Variants in ZNF35 observed in about 807,000 individuals in gnomAD.
ZNF35 encodes the protein zinc finger protein 35 (clone HF.10).
Under a neutral mutation model 45.9 loss-of-function variants are expected in ZNF35, and 31 were observed. The observed-to-expected ratio is 0.68, with a 90% CI of 0.51 to 0.91. ZNF35 has a LOEUF of 0.91. Among genes scored for constraint, ZNF35 ranks in the 40% least tolerant of loss-of-function variants. ZNF35 has a pLI of 0.00. For missense variants in ZNF35, 515 were observed against 625.4 expected (o/e 0.82, Z 1.88); for synonymous variants, 205 against 220.2 (o/e 0.93, Z 0.61).
rs188479319 is a variant in ZNF35 at position 44,649,967 on chromosome 3, A to T, written c.-127-974A>T. On this transcript the variant is annotated intron_variant, in intron 1 of 3. Coordinates refer to ENST00000396056, the MANE Select transcript of ZNF35 (RefSeq NM_003420.4). ...ACAGTATATAACTGTGATGATCTAA[A>T]GTATGTTTTTGAAAAATAAGCAATA... 2.2e-3 allele frequency among the ~76,000 whole-genome samples: 339 copies of T among 152,328 alleles called. 2 individuals carry two copies. Among genetic ancestry groups the T allele is most frequent in the Non-Finnish European group, 3.4e-3 (228 of 68,010 alleles).
chr3:44,656,713 A>G (rs1194965671), intron 3 of ZNF35, among the ~76,000 whole-genome samples: 1 of 133,480 alleles, frequency 7.5e-6, no homozygotes, highest in East Asian at 2.3e-4. Context: ...TCTTTGAGAT[A>G]GAGTCTTGCT....
chr3:44,658,590 G>A, intron 3 of ZNF35, 111 bp from the exon 4 acceptor site: 1 of 1,177,342 alleles, frequency 8.5e-7, no homozygotes, highest in Non-Finnish European at 1.2e-6. Context: ...CTTTGATGAA[G>A]CCATTTTGTG....
chr3:44,657,251 G>A (rs1050025909), intron 3 of ZNF35, among the ~76,000 whole-genome samples: 6 of 152,044 alleles, frequency 3.9e-5, no homozygotes, highest in Non-Finnish European at 7.3e-5. Context: ...CCCTCTCATG[G>A]GTGCTAGTCT....
chr3:44,655,610 A>G (rs958153015), intron 3 of ZNF35, among the ~76,000 whole-genome samples: 1 of 152,226 alleles, frequency 6.6e-6, no homozygotes, highest in African/African-American at 2.4e-5. Context: ...CCAAGGTTAT[A>G]CGCCCGGATT....
chr3:44,659,990 C>G lies in ZNF35; in HGVS notation c.*43C>G. ...GACCTCCAGCATTGGTCATAACCTT[C>G]TGCCTCCCTAATGAGACACCTCTTT... On this transcript the variant is annotated 3_prime_UTR_variant, in exon 4 of 4. Coordinates refer to ENST00000396056, the MANE Select transcript of ZNF35 (RefSeq NM_003420.4). The surrounding 1 kb of genome is among the most constrained non-coding windows in gnomAD (Gnocchi z 4.3). The G allele has an allele frequency of 6.7e-7, 1 of 1,502,754 alleles. No individual in the cohort carries two copies. The highest frequency in any genetic ancestry group is 8.9e-7 in the Non-Finnish European group (1 of 1,125,752). 93.1% of individuals were successfully genotyped at this position (1,502,754 alleles called of 1,614,324 possible). A position where few individuals can be genotyped will look rare whatever the true frequency, so the allele number is the denominator to read the frequency against.
Position 44,652,698 on chromosome 3 carries a change from C to T in ZNF35, c.334C>T (p.Leu112=). ...GGAGACTCATGGGACCATGAACTTT[C>T]TAGGTATGGTTCAGTTCCCTGATTC... is the stretch of plus-strand genomic sequence containing the variant. ...ILETHGTMNF[L]GAETKNLQLL... is the part of the protein sequence containing the mutation. Residue 112 remains leucine (L), a synonymous_variant, in exon 3 of 4, where the codon CTA becomes TTA. Coordinates refer to ENST00000396056, the MANE Select transcript of ZNF35 (RefSeq NM_003420.4). 1 of 1,584,376 alleles carries T rather than the reference C, an allele frequency of 6.3e-7. No individual in the cohort carries two copies. Among genetic ancestry groups the T allele is most frequent in the East Asian group, 2.3e-5 (1 of 43,962 alleles).
Position 44,650,965 on chromosome 3 carries a change from G to A in ZNF35, c.-103G>A. 1 of 1,173,360 alleles carries A rather than the reference G, an allele frequency of 8.5e-7. No individual in the cohort carries two copies. Among genetic ancestry groups the A allele is most frequent in the Non-Finnish European group, 1.2e-6 (1 of 843,780 alleles). 72.7% of individuals were successfully genotyped at this position (1,173,360 alleles called of 1,614,324 possible). A position where few individuals can be genotyped will look rare whatever the true frequency, so the allele number is the denominator to read the frequency against. ...GTAGGCAGTACTCATCTTGGCCCTG[G>A]GAAGAAACTCAAGAAGAAGCTTTTG... On this transcript the variant is annotated 5_prime_UTR_variant, in exon 2 of 4. Coordinates refer to ENST00000396056, the MANE Select transcript of ZNF35 (RefSeq NM_003420.4).
At chr3:44,646,726 T>C (rs1702979622), upstream of ZNF35, 1 of 514,422 alleles carries the variant, frequency 1.9e-6, no homozygotes. Context: ...GTATAAAACA[T>C]GGATGAGGAG....
At chr3:44,650,351 T>C (rs1202461423) in intron 1 of ZNF35, among the ~76,000 whole-genome samples, 1 of 152,186 alleles carries the variant, frequency 6.6e-6, no homozygotes, top group African/African-American at 2.4e-5. Flanking sequence ...AATTACACCA[T>C]CCAGAGTTAA....
chr3:44,658,164 AGT>A (rs542722513), intron 3 of ZNF35, among the ~76,000 whole-genome samples: 48 of 152,182 alleles, frequency 3.2e-4, no homozygotes, highest in Non-Finnish European at 6.3e-4. Context: ...CTTGGCAGCC[AGT>A]GTTACCCTTT....
intron 2 of ZNF35, among the ~76,000 whole-genome samples, chr3:44,651,938 TA>T (rs572197878): frequency 7.4e-4 from 113 of 152,270 alleles, no homozygotes; most frequent in African/African-American, 2.6e-3. Context: ...CCAGAGCTTC[TA>T]AAACTTTAAT....
At chr3:44,651,598 C>T (rs530196968) in intron 2 of ZNF35, among the ~76,000 whole-genome samples, 3 of 152,128 alleles carry the variant, frequency 2.0e-5, no homozygotes, top group South Asian at 2.1e-4. Flanking sequence ...GAGGCCAAGG[C>T]GGGAGGATCA....
At chr3:44,651,297 T>G in intron 2 of ZNF35, 38 bp downstream of exon 2, 2 of 1,593,544 alleles carry the variant, frequency 1.3e-6, no homozygotes, top group Non-Finnish European at 1.7e-6. Context: ...GAGGAGATAC[T>G]TGAAGACCTC....
In ZNF35 at chr3:44,659,981, C is replaced by T. The variant is rs372930910; in HGVS notation, c.*34C>T. ...GAAGAGGAAGACCTCCAGCATTGGTCATAACCTTCTGCCTCCCTAATGAGA... is the reference window on the plus strand; with the variant it reads ...GAAGAGGAAGACCTCCAGCATTGGTTATAACCTTCTGCCTCCCTAATGAGA... On this transcript the variant is annotated 3_prime_UTR_variant, in exon 4 of 4. Transcript: ENST00000396056. This position sits in a 1 kb window ranked among gnomAD's most constrained non-coding sequence, Gnocchi z 4.3. 6.6e-7 allele frequency: 1 copy of T among 1,512,148 alleles called. No individual in the cohort carries two copies. Among genetic ancestry groups the T allele is most frequent in the African/African-American group, 1.4e-5 (1 of 71,704 alleles). The allele number at this position is 1,512,148 out of a possible 1,614,324, so 93.7% of individuals were successfully genotyped here. A position where few individuals can be genotyped will look rare whatever the true frequency, so the allele number is the denominator to read the frequency against.
In ZNF35 at chr3:44,653,067, C is replaced by T. The variant is rs140187647; in HGVS notation, c.337+366C>T. ...AGGCAGTGGACTGGGCACGGGAGAACCACATGGCCCAGTGGCACAGGCTGG... is the reference window on the plus strand; with the variant it reads ...AGGCAGTGGACTGGGCACGGGAGAATCACATGGCCCAGTGGCACAGGCTGG... On this transcript the variant is annotated intron_variant, in intron 3 of 3. Transcript: ENST00000396056. Among the ~76,000 whole-genome samples the T allele has an allele frequency of 5.1e-3, 776 of 152,256 alleles. 5 individuals carry two copies. The highest frequency in any genetic ancestry group is 7.7e-3 in the Non-Finnish European group (526 of 68,008).
In ZNF35 at chr3:44,659,292, A is replaced by T; in HGVS notation, c.929A>T (p.Glu310Val). The T allele has an allele frequency of 2.5e-6, 4 of 1,614,104 alleles. No homozygotes were observed. The highest frequency in any genetic ancestry group is 3.4e-6 in the Non-Finnish European group (4 of 1,180,006). The change falls in exon 4 of 4, where the codon GAA (glutamate) becomes GTA (valine). Residue 310 changes from glutamate to valine, a missense_variant. Physicochemically the swap from Glu to Val is moderately radical, Grantham distance 121 (BLOSUM62 -2). Transcript: ENST00000396056. This position sits in a 1 kb window ranked among gnomAD's most constrained non-coding sequence, Gnocchi z 4.3. Reference sequence around the variant, plus strand: ...TTAGAAAAAACTTTTAAGTGCAATGAATGTGAGAAAGCCTTTAGTTACAGC... The same window carrying T: ...TTAGAAAAAACTTTTAAGTGCAATGTATGTGAGAAAGCCTTTAGTTACAGC... Reference protein sequence around the residue: ...HSLEKTFKCNECEKAFSYSSQ... With the variant: ...HSLEKTFKCNVCEKAFSYSSQ...
intron 3 of ZNF35, 77 bp from the exon 4 acceptor site, chr3:44,658,624 G>A (rs913259373): frequency 5.4e-6 from 8 of 1,472,672 alleles, no homozygotes; most frequent in South Asian, 2.8e-5. Context: ...CACATACTTC[G>A]TTTTATGACT....
Position 44,651,036 on chromosome 3 carries a change from A to G in ZNF35, c.-32A>G. On this transcript the variant is annotated 5_prime_UTR_variant, in exon 2 of 4. Coordinates refer to ENST00000396056, the MANE Select transcript of ZNF35 (RefSeq NM_003420.4). ...GTTTGACCTCTGCAGGGCAGCGCCC[A>G]GCTATAGGAGTTCCCCTGCTGAGCA... 6.3e-7 allele frequency: 1 copy of G among 1,599,810 alleles called. No individual in the cohort carries two copies. The highest frequency in any genetic ancestry group is 8.5e-7 in the Non-Finnish European group (1 of 1,174,538).
At chr3:44,648,957 G>C (rs1255720245) in intron 1 of ZNF35, 123 bp downstream of exon 1, 1 of 152,408 alleles carries the variant, frequency 6.6e-6, no homozygotes, top group Non-Finnish European at 1.5e-5. Context: ...TGTCTGTCGG[G>C]GTGCGGGGGG....
Sources: allele counts gnomAD v4.1 joint callset (sites outside exome capture counted in the v4.1 genomes callset), GRCh38; gene constraint gnomAD v4.1.1; non-coding constraint Gnocchi (gnomAD v3.1); transcripts MANE v1.5; gene names NCBI Gene and HGNC (gene_info 2026-07-23, HGNC 2026-07-21).